The following XPO4 variants were observed in gnomAD, a reference collection of about 807,000 sequenced individuals.
XPO4 encodes the protein exportin-4.
XPO4 carries 39 observed loss-of-function variants against 143.0 expected under a neutral mutation model. The ratio of observed to expected loss-of-function variants is 0.27; its 90% CI spans 0.21 to 0.36. XPO4 has a LOEUF of 0.36. Among genes scored for constraint, XPO4 ranks in the 10% least tolerant of loss-of-function variants. The pLI, the probability that XPO4 is intolerant of heterozygous loss-of-function variation, is 1.00. For synonymous variants in XPO4, 439 were observed against 474.0 expected (o/e 0.93, Z 0.96); for missense variants, 907 against 1,348.0 (o/e 0.67, Z 5.12).
intron 13 of XPO4, among the ~76,000 whole-genome samples, chr13:20,806,635 C>T (rs1457536501): frequency 7.0e-6 from 1 of 142,896 alleles, no homozygotes; most frequent in African/African-American, 2.6e-5. Context: ...TCACTGCAAC[C>T]TCTGCCTCCT....
intron 21 of XPO4, 125 bp downstream of exon 21, chr13:20,787,352 GAACA>G: frequency 1.2e-6 from 1 of 865,964 alleles, no homozygotes; most frequent in Non-Finnish European, 1.8e-6. Flanking sequence ...AAAAAACAGT[GAACA>G]GGAAGTCATG....
At chr13:20,826,564 A>G (rs934243010) in intron 7 of XPO4, among the ~76,000 whole-genome samples, 6 of 152,270 alleles carry the variant, frequency 3.9e-5, no homozygotes, top group Admixed American at 2.0e-4. Context: ...GAAGCAGGTA[A>G]GATAATCTGA....
chr13:20,865,985 T>G (rs557508670), intron 2 of XPO4: 8 of 962,192 alleles, frequency 8.3e-6, no homozygotes, highest in Middle Eastern at 5.4e-4. Flanking sequence ...ACTTGTGAGA[T>G]CAGAAGTGAA....
chr13:20,890,542 T>C (rs1037969473), intron 1 of XPO4, among the ~76,000 whole-genome samples: 1 of 151,936 alleles, frequency 6.6e-6, no homozygotes, highest in Non-Finnish European at 1.5e-5. Flanking sequence ...CTCATGCTTG[T>C]AATCCCAGCG....
rs75746136 is a variant in XPO4 at position 20,796,344 on chromosome 13, G to A, written c.2617-88C>T. 2,233 of 934,804 alleles carry A rather than the reference G, an allele frequency of 2.4e-3. 34 individuals carry two copies. In the African/African-American group the frequency reaches 0.034, roughly 14 times the overall value. The allele number at this position is 934,804 out of a possible 1,614,324, so 57.9% of individuals were successfully genotyped here. On this transcript the variant is annotated intron_variant, in intron 17 of 22. Coordinates refer to ENST00000255305, the MANE Select transcript of XPO4 (RefSeq NM_022459.5). The stretch of plus-strand genomic sequence containing the variant: ...AATATAATCTATATAAATTAACTCC[G>A]AATTCCAACAGTAGCAATAATTCTT...
At chr13:20,848,065 A>C (rs926996519) in intron 4 of XPO4, 3 of 270,256 alleles carry the variant, frequency 1.1e-5, no homozygotes, top group Non-Finnish European at 1.7e-5. Context: ...GCCAGATCCC[A>C]ATGCTTGTTG....
chr13:20,850,016 G>T, intron 4 of XPO4: 2 of 719,808 alleles, frequency 2.8e-6, no homozygotes, highest in Non-Finnish European at 3.4e-6. Flanking sequence ...TGAGGCATGA[G>T]AATCGCTTAA....
Position 20,783,412 on chromosome 13 carries a change from G to T in XPO4, c.*310C>A. 1 of 310,170 alleles carries T rather than the reference G, an allele frequency of 3.2e-6. No individual in the cohort carries two copies. The highest frequency in any genetic ancestry group is 5.3e-5 in the South Asian group (1 of 18,824). 19.2% of individuals were successfully genotyped at this position (310,170 alleles called of 1,614,324 possible). On this transcript the variant is annotated 3_prime_UTR_variant, in exon 23 of 23. Transcript: ENST00000255305. ...GCCACCTATGTTAAAAGGAAAAAAG[G>T]CACTGCATATGTATTTCGTGGTGCC... is the stretch of plus-strand genomic sequence containing the variant.
At chr13:20,788,221 A>G (rs1450094482) in intron 20 of XPO4, among the ~76,000 whole-genome samples, 1 of 151,876 alleles carries the variant, frequency 6.6e-6, no homozygotes, top group East Asian at 1.9e-4. Context: ...ACGCCCAGCT[A>G]ATTTTTTGTA....
chr13:20,849,154 A>C (rs537173282), intron 4 of XPO4: 149 of 985,430 alleles, frequency 1.5e-4, no homozygotes, highest in Admixed American at 1.8e-4. Flanking sequence ...GTCTCTTATA[A>C]TAGCCTGGCT....
In XPO4 at chr13:20,803,037, CATG is replaced by C. The variant is rs2059455617; in HGVS notation, c.1818-2050_1818-2048del. On this transcript the variant is annotated intron_variant, in intron 13 of 22. Transcript: ENST00000255305. The surrounding 1 kb of genome is among the most constrained non-coding windows in gnomAD (Gnocchi z 4.1). The stretch of plus-strand genomic sequence containing the variant: ...CCTATTGCCAGATGAGCAAGTGGAG[CATG>C]ATTTGATTCCTATTTTTCCTTTAAT... 6.6e-6 allele frequency among the ~76,000 whole-genome samples: 1 copy of C among 152,280 alleles called. No individual in the cohort carries two copies. Among genetic ancestry groups the C allele is most frequent in the Non-Finnish European group, 1.5e-5 (1 of 68,016 alleles).
At position 20,800,311 on chromosome 13, in the gene XPO4, G is replaced by A; in HGVS notation, c.1992C>T (p.Phe664=). 4 of 1,613,100 alleles carry A rather than the reference G, an allele frequency of 2.5e-6. No homozygotes were observed. Among genetic ancestry groups the A allele is most frequent in the Non-Finnish European group, 3.4e-6 (4 of 1,179,614 alleles). ...CTGTATCTGCTCCGAACGCTGTACT[G>A]AATGGCAGACTTATCTTAAGAGAGG... is the stretch of plus-strand genomic sequence containing the variant. ...EKLYDQISLP[F]STAFGADTEG... Residue 664 remains phenylalanine, a synonymous_variant, in exon 15 of 23, where the codon TTC becomes TTT. Transcript: ENST00000255305.
At chr13:20,818,534 C>T (rs1465374544) in intron 9 of XPO4, among the ~76,000 whole-genome samples, 1 of 152,146 alleles carries the variant, frequency 6.6e-6, no homozygotes, top group African/African-American at 2.4e-5. Flanking sequence ...AAAGTATTCT[C>T]ACAGTAAAAC....
rs980674513 is a variant in XPO4 at position 20,878,296 on chromosome 13, G to A, written c.70-9595C>T. Among the ~76,000 whole-genome samples, 3 of 152,094 alleles carry A rather than the reference G, an allele frequency of 2.0e-5. No homozygotes were observed. The East Asian group carries it at 5.8e-4, about 29-fold the overall frequency. On this transcript the variant is annotated intron_variant, in intron 1 of 22. Transcript: ENST00000255305. Reference sequence around the variant, plus strand: ...TAGAAAAAGTTGATAGTCCCAACCAGCAAGGTATGCACAAGTCCACTTCTA... The same window carrying A: ...TAGAAAAAGTTGATAGTCCCAACCAACAAGGTATGCACAAGTCCACTTCTA...
chr13:20,872,746 C>A (rs1215935216), intron 1 of XPO4, among the ~76,000 whole-genome samples: 5 of 152,106 alleles, frequency 3.3e-5, no homozygotes, highest in Admixed American at 6.5e-5. Context: ...GAAAATTAAA[C>A]CCAGGTAGTA....
chr13:20,834,187 C>T (rs771302040), intron 6 of XPO4, among the ~76,000 whole-genome samples: 2 of 152,038 alleles, frequency 1.3e-5, no homozygotes, highest in Non-Finnish European at 2.9e-5. Flanking sequence ...AGAAAAGCTA[C>T]ATATAATAAT....
chr13:20,881,337 C>T (rs1011847794), intron 1 of XPO4, among the ~76,000 whole-genome samples: 3 of 151,784 alleles, frequency 2.0e-5, no homozygotes, highest in African/African-American at 7.3e-5. Context: ...GGCAAAATTT[C>T]GGCTCACTGC....
intron 9 of XPO4, among the ~76,000 whole-genome samples, chr13:20,815,577 C>G (rs1290977092): frequency 1.3e-5 from 2 of 152,138 alleles, no homozygotes; most frequent in Non-Finnish European, 2.9e-5. Flanking sequence ...TTCCTGTGAA[C>G]AGCAACTAAT....
chr13:20,857,988 A>AG (rs1240852912), intron 3 of XPO4: 15 of 984,860 alleles, frequency 1.5e-5, no homozygotes, highest in Non-Finnish European at 6.0e-6. Flanking sequence ...CATAGCCTAT[A>AG]GTATTCTACC....
Sources: allele counts gnomAD v4.1 joint callset (sites outside exome capture counted in the v4.1 genomes callset), GRCh38; gene constraint gnomAD v4.1.1; non-coding constraint Gnocchi (gnomAD v3.1); transcripts MANE v1.5; gene names NCBI Gene and HGNC (gene_info 2026-07-23, HGNC 2026-07-21).